The following ABL1 variants were observed in gnomAD, a reference collection of about 807,000 sequenced individuals.
ABL1 encodes ABL proto-oncogene 1, non-receptor tyrosine kinase, also known as tyrosine-protein kinase ABL1.
ABL1 carries 11 observed loss-of-function variants against 94.7 expected under a neutral mutation model. That is an observed-to-expected ratio of 0.12 (90% CI 0.07 to 0.19). The LOEUF is 0.19. Among genes scored for constraint, ABL1 ranks in the 10% least tolerant of loss-of-function variants. The probability of loss-of-function intolerance (pLI) is 1.00; values close to 1 mark genes in which losing one functional copy is unlikely to be tolerated. For missense variants in ABL1, 1,082 were observed against 1,489.4 expected, an observed-to-expected ratio of 0.73 and a Z score of 4.50; for synonymous variants, 656 against 622.4, an observed-to-expected ratio of 1.05 and a Z score of -0.80.
chr9:130,883,613 C>T (rs1006990559), intron 10 of ABL1, among the ~76,000 whole-genome samples: 8 of 152,140 alleles, frequency 5.3e-5, no homozygotes, highest in African/African-American at 1.9e-4. Context: ...CAGCAGCCCC[C>T]CACCCACCCA....
chr9:130,737,629 G>A (rs1321676409), intron 1 of ABL1, among the ~76,000 whole-genome samples: 2 of 152,100 alleles, frequency 1.3e-5, no homozygotes, highest in Non-Finnish European at 2.9e-5. Context: ...GTTTGGTCCA[G>A]ACTACGTTTC....
At chr9:130,781,343 A>G (rs1829752837) in intron 1 of ABL1, among the ~76,000 whole-genome samples, 1 of 152,154 alleles carries the variant, frequency 6.6e-6, no homozygotes. Flanking sequence ...TCCACCTCTC[A>G]CTTGCCCGTG....
intron 1 of ABL1, among the ~76,000 whole-genome samples, chr9:130,802,461 T>G (rs1374389140): frequency 6.6e-5 from 10 of 152,236 alleles, no homozygotes; most frequent in Non-Finnish European, 1.5e-4. Flanking sequence ...ATGCACATAC[T>G]GTCCTTTTCT....
At chr9:130,774,967 G>C (rs1400682999) in intron 1 of ABL1, among the ~76,000 whole-genome samples, 1 of 152,214 alleles carries the variant, frequency 6.6e-6, no homozygotes, top group South Asian at 2.1e-4. Context: ...CTTTGAGTGA[G>C]AGGAAACAAA....
intron 1 of ABL1, among the ~76,000 whole-genome samples, chr9:130,764,544 T>C (rs577500784): frequency 1.3e-5 from 2 of 152,348 alleles, no homozygotes; most frequent in East Asian, 3.9e-4. Flanking sequence ...TGGACACCTG[T>C]GCAGATTTCT....
intron 1 of ABL1, among the ~76,000 whole-genome samples, chr9:130,837,751 T>C (rs925892282): frequency 1.3e-5 from 2 of 152,248 alleles, no homozygotes; most frequent in African/African-American, 4.8e-5. Context: ...CTGGAAGTGC[T>C]ATTTGTCTTT....
intron 1 of ABL1, among the ~76,000 whole-genome samples, chr9:130,790,082 C>G (rs944127793): frequency 6.6e-6 from 1 of 152,194 alleles, no homozygotes; most frequent in Non-Finnish European, 1.5e-5. Context: ...ACAGTTTAAA[C>G]GGAGGCCCAT....
chr9:130,735,962 T>TATATATA (rs1554757971), intron 1 of ABL1, among the ~76,000 whole-genome samples: 62 of 48,652 alleles, frequency 1.3e-3, no homozygotes, highest in African/African-American at 8.8e-3. Context: ...TATATATATA[T>TATATATA]TTTTTTTTTT....
chr9:130,880,034 C>T lies in ABL1; in HGVS notation c.1424-34C>T. The stretch of plus-strand genomic sequence containing the variant: ...TAGCCCCGTATTGCTAGCCAGATCT[C>T]ATGGATGATCTGACTTGGGTTTCAT... On this transcript the variant is annotated intron_variant, in intron 8 of 10. Coordinates refer to ENST00000318560, the MANE Select transcript of ABL1 (RefSeq NM_005157.6). The surrounding 1 kb of genome is among the most constrained non-coding windows in gnomAD (Gnocchi z 4.4). 1.3e-6 allele frequency: 2 copies of T among 1,591,658 alleles called. No individual in the cohort carries two copies. The highest frequency in any genetic ancestry group is 1.7e-6 in the Non-Finnish European group (2 of 1,159,518).
At chr9:130,746,820 G>A (rs1290545960) in intron 1 of ABL1, among the ~76,000 whole-genome samples, 5 of 151,948 alleles carry the variant, frequency 3.3e-5, no homozygotes, top group African/African-American at 1.2e-4. Flanking sequence ...CTGTAATAAG[G>A]TACCACAAAA....
At chr9:130,734,893 T>A (rs1320883248) in intron 1 of ABL1, among the ~76,000 whole-genome samples, 1 of 152,150 alleles carries the variant, frequency 6.6e-6, no homozygotes, top group Non-Finnish European at 1.5e-5. Flanking sequence ...ATACCTTATG[T>A]ATGCTTTTAT....
intron 4 of ABL1, among the ~76,000 whole-genome samples, chr9:130,866,717 A>G (rs1831163612): frequency 6.6e-6 from 1 of 152,248 alleles, no homozygotes; most frequent in South Asian, 2.1e-4. Flanking sequence ...CTGGAATTAC[A>G]GCAAAGGCTC....
In ABL1 at chr9:130,882,824, G is replaced by A. The variant is rs896794097; in HGVS notation, c.1679-1145G>A. ...GCTGGGATGACAGGCTTGAGCCACC[G>A]CGCCTGGCTACCAGAAAGATTTCTT... On this transcript the variant is annotated intron_variant, in intron 10 of 10. Coordinates refer to ENST00000318560, the MANE Select transcript of ABL1 (RefSeq NM_005157.6). Among the ~76,000 whole-genome samples the A allele has an allele frequency of 6.6e-5, 10 of 152,116 alleles. No individual in the cohort carries two copies. The South Asian group carries it at 1.2e-3, about 19-fold the overall frequency.
intron 1 of ABL1, among the ~76,000 whole-genome samples, chr9:130,740,805 A>T (rs1447897438): frequency 3.5e-5 from 5 of 141,696 alleles, no homozygotes; most frequent in African/African-American, 1.3e-4. Context: ...ACAGGTGTGC[A>T]CCACCACACC....
chr9:130,776,782 G>A lies in ABL1; in HGVS notation c.136+62327G>A, dbSNP rs187562574. 3.3e-3 allele frequency among the ~76,000 whole-genome samples: 498 copies of A among 152,124 alleles called. 3 individuals carry two copies. The highest frequency in any genetic ancestry group is 0.011 in the African/African-American group (469 of 41,510). On this transcript the variant is annotated intron_variant, in intron 1 of 10. Transcript: ENST00000372348. Reference sequence around the variant, plus strand: ...CTTTGTTTGGTTTTAATTTGAGACGGGTTCTTCCTATGTTGCCCAGCCTGG... The same window carrying A: ...CTTTGTTTGGTTTTAATTTGAGACGAGTTCTTCCTATGTTGCCCAGCCTGG...
chr9:130,882,892 G>T (rs1046563581), intron 10 of ABL1, among the ~76,000 whole-genome samples: 1 of 152,118 alleles, frequency 6.6e-6, no homozygotes, highest in African/African-American at 2.4e-5. Context: ...TTAAAAAACT[G>T]TTGGCCGGGC....
chr9:130,821,488 A>G (rs543187710), intron 1 of ABL1, among the ~76,000 whole-genome samples: 2 of 152,138 alleles, frequency 1.3e-5, no homozygotes, highest in African/African-American at 4.8e-5. Context: ...ATCACTGAGT[A>G]TTATTCCATT....
intron 1 of ABL1, among the ~76,000 whole-genome samples, chr9:130,765,769 T>C (rs1832175051): frequency 6.6e-6 from 1 of 152,250 alleles, no homozygotes; most frequent in African/African-American, 2.4e-5. Flanking sequence ...CTTTCTTCTT[T>C]ATGCCACAGA....
intron 1 of ABL1, among the ~76,000 whole-genome samples, chr9:130,789,267 C>T (rs1829870747): frequency 1.3e-5 from 2 of 152,166 alleles, no homozygotes; most frequent in South Asian, 4.1e-4. Flanking sequence ...TCTGTCTGAG[C>T]TTTCACTTTG....
Sources: gnomAD v4.1 joint callset for allele counts (sites outside exome capture counted in the v4.1 genomes callset) on GRCh38, gnomAD v4.1.1 for gene constraint, Gnocchi (gnomAD v3.1) non-coding constraint, MANE v1.5 for transcripts, NCBI Gene and HGNC (gene_info 2026-07-23, HGNC 2026-07-21) for gene names.